The following ZBTB10 variants were observed in gnomAD, a reference collection of about 807,000 sequenced individuals.
The protein encoded by ZBTB10 is zinc finger and BTB domain containing 10, also known as zinc finger and BTB domain-containing protein 10.
ZBTB10 carries 32 observed loss-of-function variants against 76.4 expected under a neutral mutation model. That is an observed-to-expected ratio of 0.42 (90% CI 0.32 to 0.56). The LOEUF is 0.56. ZBTB10 is among the 20% of genes least tolerant of loss of function. The probability of loss-of-function intolerance (pLI) is 0.14; values close to 1 mark genes in which losing one functional copy is unlikely to be tolerated. For missense variants in ZBTB10, 1,057 were observed against 1,098.5 expected (o/e 0.96, Z 0.53); for synonymous variants, 523 against 432.9 (o/e 1.21, Z -2.58).
Position 80,487,594 on chromosome 8 carries a change from C to A in ZBTB10, c.784C>A (p.Arg262Ser). ...CTGGCTCAAGGACTTTCCCTGGCTG[C>A]GCTATTCCAAGGATACTGGTCTTAT... Reference protein sequence around the residue: ...TSWLKDFPWLRYSKDTGLMSC... With the variant: ...TSWLKDFPWLSYSKDTGLMSC... Residue 262 changes from arginine (R) to serine (S), a missense_variant, in exon 1 of 6, where the codon CGC becomes AGC. Coordinates refer to ENST00000455036, the MANE Select transcript of ZBTB10 (RefSeq NM_001105539.3). The A allele has an allele frequency of 6.2e-7, 1 of 1,613,512 alleles. No individual in the cohort carries two copies. Among genetic ancestry groups the A allele is most frequent in the Non-Finnish European group, 8.5e-7 (1 of 1,179,682 alleles).
intron 1 of ZBTB10, among the ~76,000 whole-genome samples, chr8:80,491,681 C>G (rs567725283): frequency 5.3e-5 from 8 of 152,310 alleles, no homozygotes; most frequent in Non-Finnish European, 1.2e-4. Flanking sequence ...CAATTGACTA[C>G]ATCGTCAGAG....
At chr8:80,486,043 G>A, upstream of ZBTB10, 1 of 871,126 alleles carries the variant, frequency 1.1e-6, no homozygotes, top group South Asian at 2.0e-5. Context: ...TTCCTTCCCC[G>A]CGGCCGCACC....
chr8:80,486,563 C>A lies in ZBTB10; in HGVS notation c.-248C>A, dbSNP rs1217685958. The A allele has an allele frequency of 8.1e-6, 8 of 986,018 alleles. No homozygotes were observed. The highest frequency in any genetic ancestry group is 9.6e-6 in the Non-Finnish European group (8 of 830,666). 61.1% of individuals were successfully genotyped at this position (986,018 alleles called of 1,614,324 possible). On this transcript the variant is annotated 5_prime_UTR_variant, in exon 1 of 6. Coordinates refer to ENST00000455036, the MANE Select transcript of ZBTB10 (RefSeq NM_001105539.3). ...GGACGCTGCCCGGAGCGCGGCGGGG[C>A]GGGGGTGGAGGACGAGAGAGCGGTC...
At position 80,522,093 on chromosome 8, in the gene ZBTB10, A is replaced by G. The variant is rs1233411092; in HGVS notation, c.*2565A>G. ...ACTGCCTAACTTATTTTGTTTCATG[A>G]TCTCGAGGGACTGCCTTTTCCCATC... is the stretch of plus-strand genomic sequence containing the variant. On this transcript the variant is annotated 3_prime_UTR_variant, in exon 6 of 6. Coordinates refer to ENST00000455036, the MANE Select transcript of ZBTB10 (RefSeq NM_001105539.3). 2.0e-5 allele frequency: 3 copies of G among 152,002 alleles called. No homozygotes were observed. Among genetic ancestry groups the G allele is most frequent in the Middle Eastern group, 3.4e-3 (1 of 294 alleles). The allele number at this position is 152,002 out of a possible 1,614,324, so 9.4% of individuals were successfully genotyped here.
rs542577554 is a variant in ZBTB10, at chr8:80,487,719, G to A, written c.909G>A (p.Lys303=). 2.5e-6 allele frequency: 4 copies of A among 1,613,636 alleles called. No individual in the cohort carries two copies. The African/African-American group carries it at 5.3e-5, about 22-fold the overall frequency. The change falls in exon 1 of 6, where the codon AAG becomes AAA. Residue 303 remains lysine, a synonymous_variant. Coordinates refer to ENST00000455036, the MANE Select transcript of ZBTB10 (RefSeq NM_001105539.3). The stretch of plus-strand genomic sequence containing the variant: ...TTTCGCGAGGGACCCGCAACTACAA[G>A]AAAACCCTCCTCCTGAGGCACCACG... ...DELSRGTRNY[K]KTLLLRHHVS...
At chr8:80,514,198 T>C (rs1816270469) in intron 3 of ZBTB10, among the ~76,000 whole-genome samples, 190 bp downstream of exon 3, 1 of 152,222 alleles carries the variant, frequency 6.6e-6, no homozygotes, top group African/African-American at 2.4e-5. Flanking sequence ...TTTTGTATGT[T>C]TGACGGAGTC....
At chr8:80,502,273 T>C (rs1774397655) in intron 2 of ZBTB10, among the ~76,000 whole-genome samples, 1 of 152,244 alleles carries the variant, frequency 6.6e-6, no homozygotes, top group Non-Finnish European at 1.5e-5. Flanking sequence ...TCTCACTCTG[T>C]TGCCCAGGCT....
upstream of ZBTB10, chr8:80,486,059 C>A: frequency 9.4e-7 from 1 of 1,059,910 alleles, no homozygotes; most frequent in Non-Finnish European, 1.3e-6. Flanking sequence ...GCACCCCCGC[C>A]CCCAGGCCGG....
At position 80,515,798 on chromosome 8, in the gene ZBTB10, A is replaced by G. The variant is rs1816312090; in HGVS notation, c.1960+1790A>G. 2.6e-5 allele frequency among the ~76,000 whole-genome samples: 4 copies of G among 152,188 alleles called. No homozygotes were observed. The South Asian group carries it at 8.3e-4, about 32-fold the overall frequency. On this transcript the variant is annotated intron_variant, in intron 3 of 5. Coordinates refer to ENST00000455036, the MANE Select transcript of ZBTB10 (RefSeq NM_001105539.3). ...TTCCTTAGTTTTCTATTGTGGAATA[A>G]TGTACCCAGAAGGATATTATTGATC...
chr8:80,512,982 A>G (rs1202276923), intron 2 of ZBTB10, among the ~76,000 whole-genome samples: 1 of 152,042 alleles, frequency 6.6e-6, no homozygotes, highest in African/African-American at 2.4e-5. Flanking sequence ...AATTCTAGGG[A>G]GCATTGGCAA....
Position 80,486,756 on chromosome 8 carries a change from G to A in ZBTB10, c.-55G>A, listed in dbSNP as rs1815471522. On this transcript the variant is annotated 5_prime_UTR_variant, in exon 1 of 6. Transcript: ENST00000455036. Reference sequence around the variant, plus strand: ...AGCCGCGGGGAGCGCGCGGGACGCGGCCCGAGGCCGTGCGCGAGCCGGGGC... The same window carrying A: ...AGCCGCGGGGAGCGCGCGGGACGCGACCCGAGGCCGTGCGCGAGCCGGGGC... 4.0e-6 allele frequency: 5 copies of A among 1,236,904 alleles called. No homozygotes were observed. The highest frequency in any genetic ancestry group is 6.7e-4 in the Middle Eastern group (2 of 2,994). The allele number at this position is 1,236,904 out of a possible 1,614,324, so 76.6% of individuals were successfully genotyped here.
Position 80,486,576 on chromosome 8 carries a change from CGA to C in ZBTB10, c.-229_-228del, listed in dbSNP as rs1406741008. 5 of 986,238 alleles carry C rather than the reference CGA, an allele frequency of 5.1e-6. No homozygotes were observed. In the African/African-American group the frequency reaches 8.8e-5, roughly 17 times the overall value. The allele number at this position is 986,238 out of a possible 1,614,324, so 61.1% of individuals were successfully genotyped here. On this transcript the variant is annotated 5_prime_UTR_variant, in exon 1 of 6. Transcript: ENST00000455036. ...AGCGCGGCGGGGCGGGGGTGGAGGA[CGA>C]GAGAGCGGTCGGAGGCGTCGGCCCG...
intron 3 of ZBTB10, among the ~76,000 whole-genome samples, chr8:80,517,772 A>G (rs1816361949): frequency 6.7e-6 from 1 of 149,610 alleles, no homozygotes; most frequent in African/African-American, 2.5e-5. Context: ...AGCAACTATT[A>G]GGAGTTCTGG....
In ZBTB10 at chr8:80,487,786, C is replaced by A. The variant is rs183925020; in HGVS notation, c.972+4C>A. On this transcript the variant is annotated splice_donor_region_variant and intron_variant, in intron 1 of 5. Transcript: ENST00000455036. ...ACTCCACGAAGCCAACGCCCAGGTA[C>A]AGTATATCCTGCTCCTACTTTTTTG... 2.1e-3 allele frequency: 3,278 copies of A among 1,572,246 alleles called. 103 individuals carry two copies. The Admixed American group carries it at 0.055, about 26-fold the overall frequency.
chr8:80,493,130 C>G (rs1815673433), intron 1 of ZBTB10, among the ~76,000 whole-genome samples: 1 of 151,252 alleles, frequency 6.6e-6, no homozygotes, highest in Non-Finnish European at 1.5e-5. Context: ...AGGAGAATCA[C>G]TTGAACCTAG....
chr8:80,508,040 C>T (rs1816103068), intron 2 of ZBTB10, among the ~76,000 whole-genome samples: 1 of 152,200 alleles, frequency 6.6e-6, no homozygotes, highest in African/African-American at 2.4e-5. Context: ...ACTGTTTCCC[C>T]TTTTGCTGTG....
Position 80,499,363 on chromosome 8 carries a change from A to T in ZBTB10, c.973-131A>T, listed in dbSNP as rs557728811. ...GGGTTGCACCACCACTGTTCACTCCATTTCTTGATTACTCACAAATTAATA... is the reference window on the plus strand; with the variant it reads ...GGGTTGCACCACCACTGTTCACTCCTTTTCTTGATTACTCACAAATTAATA... On this transcript the variant is annotated intron_variant, in intron 1 of 5. Transcript: ENST00000455036. 4 of 1,041,032 alleles carry T rather than the reference A, an allele frequency of 3.8e-6. No individual in the cohort carries two copies. The Admixed American group carries it at 1.3e-4, about 33-fold the overall frequency. The allele number at this position is 1,041,032 out of a possible 1,614,324, so 64.5% of individuals were successfully genotyped here. A position where few individuals can be genotyped will look rare whatever the true frequency, so the allele number is the denominator to read the frequency against.
chr8:80,510,646 GTGTGT>G (rs1563464850), intron 2 of ZBTB10, among the ~76,000 whole-genome samples: 56 of 145,368 alleles, frequency 3.9e-4, no homozygotes, highest in South Asian at 1.5e-3. Flanking sequence ...ACCAGTGTGT[GTGTGT>G]GTGTGTGTGT....
chr8:80,519,247 A>G lies in ZBTB10; in HGVS notation c.2335A>G (p.Lys779Glu). 6.2e-7 allele frequency: 1 copy of G among 1,613,318 alleles called. No homozygotes were observed. Among genetic ancestry groups the G allele is most frequent in the Non-Finnish European group, 8.5e-7 (1 of 1,179,448 alleles). The stretch of plus-strand genomic sequence containing the variant: ...GGTGCATAAAAAGGATAAAAAATAC[A>G]AATGTATGGTGTGTAAGAAGATCTT... ...SLVHKKDKKY[K>E]CMVCKKIFML... The change falls in exon 6 of 6, where the codon AAA becomes GAA. Residue 779 changes from lysine (K) to glutamate (E), a missense_variant. By Grantham distance (56) the Lys-to-Glu change is moderately conservative (BLOSUM62 1). Around this residue, in one of 5 missense-constraint regions of ZBTB10, gnomAD observed 54 missense variants for 138.1 expected, o/e 0.39. Transcript: ENST00000455036.
Sources: allele counts gnomAD v4.1 joint callset (sites outside exome capture counted in the v4.1 genomes callset), GRCh38; gene constraint gnomAD v4.1.1; regional missense constraint gnomAD v4.1.1; transcripts MANE v1.5; gene names NCBI Gene and HGNC (gene_info 2026-07-23, HGNC 2026-07-21).